NAV2: variants seen among roughly 807,000 people sequenced by gnomAD.
NAV2 encodes the protein neuron navigator 2.
A neutral mutation model predicts 223.2 loss-of-function variants in NAV2; 54 were observed. The ratio of observed to expected loss-of-function variants is 0.24; its 90% CI spans 0.19 to 0.30. The LOEUF is 0.30. Among genes scored for constraint, NAV2 ranks in the 10% least tolerant of loss-of-function variants. NAV2 has a pLI of 1.00. For synonymous variants in NAV2, 1,279 were observed against 1,239.3 expected, an observed-to-expected ratio of 1.03 and a Z score of -0.67; for missense variants, 2,806 against 3,147.5, an observed-to-expected ratio of 0.89 and a Z score of 2.60.
intron 6 of NAV2, among the ~76,000 whole-genome samples, chr11:19,929,398 C>G (rs1207929357): frequency 1.3e-5 from 2 of 152,236 alleles, no homozygotes; most frequent in Admixed American, 6.5e-5. Flanking sequence ...ACTTGACATA[C>G]CCTTCATGTC....
At chr11:19,784,328 C>T (rs892597937) in intron 1 of NAV2, among the ~76,000 whole-genome samples, 1 of 124,286 alleles carries the variant, frequency 8.0e-6, no homozygotes, top group African/African-American at 3.1e-5. Flanking sequence ...GTGGAGGTTG[C>T]GGTGAGCCAA....
At chr11:20,037,767 A>G (rs1021572710) in intron 12 of NAV2, among the ~76,000 whole-genome samples, 3 of 152,218 alleles carry the variant, frequency 2.0e-5, no homozygotes, top group African/African-American at 7.2e-5. Context: ...CTGTTTCATC[A>G]GTGATTAGAC....
intron 1 of NAV2, among the ~76,000 whole-genome samples, chr11:19,806,972 C>G (rs1232776552): frequency 1.3e-5 from 2 of 152,218 alleles, no homozygotes; most frequent in East Asian, 3.8e-4. Flanking sequence ...TCCAAACCTA[C>G]TGACTCGCAC....
chr11:19,878,368 GC>G (rs1565480864), intron 4 of NAV2, among the ~76,000 whole-genome samples: 1 of 152,206 alleles, frequency 6.6e-6, no homozygotes, highest in Non-Finnish European at 1.5e-5. Context: ...TTTAAAGTGT[GC>G]TTTTGCCTAA....
intron 1 of NAV2, among the ~76,000 whole-genome samples, chr11:19,484,062 G>A (rs118081078): frequency 0.012 from 1,781 of 151,296 alleles, 27 homozygotes; most frequent in South Asian, 0.043. Context: ...TGCGTCTTGG[G>A]TTCTGCTACA....
At chr11:19,715,992 G>A (rs2152331548) in intron 1 of NAV2, among the ~76,000 whole-genome samples, 1 of 152,264 alleles carries the variant, frequency 6.6e-6, no homozygotes, top group East Asian at 1.9e-4. Flanking sequence ...AGTGATTTTG[G>A]CCAATGGGAT....
rs367957335 is a variant in NAV2, at chr11:19,431,925, C to T, written c.75+80898C>T. 2.1e-4 allele frequency among the ~76,000 whole-genome samples: 32 copies of T among 152,288 alleles called. 1 individual carries two copies. The highest frequency in any genetic ancestry group is 1.7e-3 in the East Asian group (9 of 5,178). On this transcript the variant is annotated intron_variant, in intron 1 of 37. Coordinates refer to the NAV2 transcript ENST00000360655. ...TCGAAAGTATTGATAAGACTGGGTG[C>T]GGTGGCTCATGCCTGTAATCCCAGC...
chr11:20,105,455 C>G, intron 34 of NAV2, 76 bp from the exon 35 acceptor site: 1 of 1,240,824 alleles, frequency 8.1e-7, no homozygotes, highest in Middle Eastern at 2.3e-4. Flanking sequence ...CTGTTTCTAA[C>G]GTGCTTTGGT....
chr11:19,479,165 C>T (rs2042207964), intron 1 of NAV2, among the ~76,000 whole-genome samples: 1 of 152,078 alleles, frequency 6.6e-6, no homozygotes, highest in African/African-American at 2.4e-5. Flanking sequence ...AAAGAAACTT[C>T]TCTGACAGGG....
intron 1 of NAV2, among the ~76,000 whole-genome samples, chr11:19,376,963 G>A (rs1245819407): frequency 6.6e-6 from 1 of 152,222 alleles, no homozygotes; most frequent in Admixed American, 6.5e-5. Flanking sequence ...TGTCAAGAAA[G>A]TAGTAGGGCA....
intron 1 of NAV2, among the ~76,000 whole-genome samples, chr11:19,728,550 T>C (rs757451457): frequency 6.6e-6 from 1 of 152,194 alleles, no homozygotes; most frequent in Non-Finnish European, 1.5e-5. Flanking sequence ...TTCAGCTCTG[T>C]CCACGTACAG....
chr11:19,726,230 A>C (rs1003865808), intron 1 of NAV2, among the ~76,000 whole-genome samples: 3 of 152,182 alleles, frequency 2.0e-5, no homozygotes, highest in Non-Finnish European at 4.4e-5. Flanking sequence ...CCTCTGAAAC[A>C]GCATTGGAAA....
intron 14 of NAV2, among the ~76,000 whole-genome samples, chr11:20,048,206 A>C (rs2057647111): frequency 1.3e-5 from 2 of 152,198 alleles, no homozygotes; most frequent in African/African-American, 4.8e-5. Flanking sequence ...AAATCTCTGA[A>C]GACATTTTTC....
intron 1 of NAV2, chr11:19,518,711 T>C (rs2043543732): frequency 6.6e-6 from 1 of 152,276 alleles, no homozygotes. Flanking sequence ...ATCTGACTTA[T>C]TCATTCCTGT....
chr11:20,074,314 C>A (rs988002778), intron 22 of NAV2, among the ~76,000 whole-genome samples: 8 of 152,146 alleles, frequency 5.3e-5, no homozygotes, highest in Non-Finnish European at 8.8e-5. Context: ...GCTATGATTT[C>A]CATTCTTTTG....
rs575044506 is a variant in NAV2, at chr11:19,864,066, C to T, written c.439-4859C>T. ...CCAGAACTTGCAGGTTCTCACTTAG[C>T]CTTGCCTGGGGTCTAAAGCTCCTAC... On this transcript the variant is annotated intron_variant, in intron 3 of 37. Coordinates refer to ENST00000349880, the MANE Select transcript of NAV2 (RefSeq NM_145117.5). 2.0e-5 allele frequency among the ~76,000 whole-genome samples: 3 copies of T among 152,340 alleles called. No homozygotes were observed. The South Asian group carries it at 6.2e-4, about 32-fold the overall frequency.
At chr11:19,844,302 C>T (rs1285355836) in intron 3 of NAV2, among the ~76,000 whole-genome samples, 1 of 152,228 alleles carries the variant, frequency 6.6e-6, no homozygotes, top group African/African-American at 2.4e-5. Flanking sequence ...AGGATAGATA[C>T]TGATGCAATT....
intron 36 of NAV2, among the ~76,000 whole-genome samples, chr11:20,112,517 C>T (rs962073113): frequency 3.3e-5 from 5 of 152,278 alleles, no homozygotes; most frequent in African/African-American, 1.2e-4. Flanking sequence ...CTAGAGGTCC[C>T]AGATGGCACA....
chr11:19,734,250 A>G (rs990930105), intron 1 of NAV2, among the ~76,000 whole-genome samples: 8 of 152,226 alleles, frequency 5.3e-5, no homozygotes, highest in African/African-American at 1.9e-4. Context: ...ACTAGGAAAG[A>G]CAAGCTTTCA....
Sources: gnomAD v4.1 joint callset for allele counts (sites outside exome capture counted in the v4.1 genomes callset) on GRCh38, gnomAD v4.1.1 for gene constraint, MANE v1.5 for transcripts, NCBI Gene and HGNC (gene_info 2026-07-23, HGNC 2026-07-21) for gene names.